Variants in CNTN5 observed in about 807,000 individuals in gnomAD.
The protein encoded by CNTN5 is contactin 5, also known as contactin-5.
Under a neutral mutation model 129.1 loss-of-function variants are expected in CNTN5, and 77 were observed. That is an observed-to-expected ratio of 0.60 (90% confidence interval 0.50 to 0.72). The LOEUF is 0.72. Among genes scored for constraint, CNTN5 ranks in the 30% least tolerant of loss-of-function variants. CNTN5 has a pLI of 0.00. For synonymous variants in CNTN5, 509 were observed against 465.6 expected (o/e 1.09, Z -1.20); for missense variants, 1,478 against 1,328.8 (o/e 1.11, Z -1.75).
At chr11:99,787,315 A>G (rs1244761194) in intron 3 of CNTN5, among the ~76,000 whole-genome samples, 1 of 151,700 alleles carries the variant, frequency 6.6e-6, no homozygotes, top group East Asian at 1.9e-4. Flanking sequence ...TTATCATTTA[A>G]GAGACAGTGA....
Position 99,466,045 on chromosome 11 carries a change from C to A in CNTN5, c.-70-90100C>A, listed in dbSNP as rs567063045. 3.5e-4 allele frequency among the ~76,000 whole-genome samples: 54 copies of A among 152,130 alleles called. 2 individuals are homozygous for A. In the South Asian group the frequency reaches 9.3e-3, roughly 26 times the overall value. On this transcript the variant is annotated intron_variant, in intron 2 of 24. Coordinates refer to ENST00000524871, the MANE Select transcript of CNTN5 (RefSeq NM_014361.4). ...TACAGGTGTCCGCCACCATGCCCTG[C>A]TCAATTTTTTGTATTTTTAGTAGAG...
chr11:100,309,865 C>T (rs1951436277), intron 21 of CNTN5, among the ~76,000 whole-genome samples: 2 of 151,798 alleles, frequency 1.3e-5, no homozygotes, highest in Non-Finnish European at 1.5e-5. Context: ...AATTGCCCTC[C>T]ACTGAGGAGA....
chr11:99,357,600 G>T (rs1938770219), intron 2 of CNTN5, among the ~76,000 whole-genome samples: 1 of 151,830 alleles, frequency 6.6e-6, no homozygotes, highest in African/African-American at 2.4e-5. Context: ...CTCAGAAATG[G>T]CTCTATAGCA....
At position 99,681,516 on chromosome 11, in the gene CNTN5, T is replaced by C. The variant is rs550703267; in HGVS notation, c.55+125247T>C. Among the ~76,000 whole-genome samples the C allele has an allele frequency of 2.6e-5, 4 of 152,228 alleles. No individual in the cohort carries two copies. In the East Asian group the frequency reaches 7.7e-4, roughly 29 times the overall value. ...GACCATTTGTGGAAGGCTTAGATGA[T>C]AGCATTTTTTAACAATGAAGTATTT... On this transcript the variant is annotated intron_variant, in intron 3 of 24. Transcript: ENST00000524871.
Position 99,553,997 on chromosome 11 carries a change from T to TAC in CNTN5, c.-70-2135_-70-2134dup, listed in dbSNP as rs1364112591. On this transcript the variant is annotated intron_variant, in intron 2 of 24. Coordinates refer to ENST00000524871, the MANE Select transcript of CNTN5 (RefSeq NM_014361.4). ...ACACACACACACACACACACACACATACACACACACACACTTCTTCTTTTA... is the reference window on the plus strand; with the variant it reads ...ACACACACACACACACACACACACATACACACACACACACACTTCTTCTTTTA... Among the ~76,000 whole-genome samples, 51 of 26,414 alleles carry TAC rather than the reference T, an allele frequency of 1.9e-3. No homozygotes were observed. In the East Asian group the frequency reaches 0.027, roughly 14 times the overall value. 17.3% of individuals were successfully genotyped at this position (26,414 alleles called of 152,430 possible).
chr11:99,552,249 T>G lies in CNTN5; in HGVS notation c.-70-3896T>G, dbSNP rs1400321718. The stretch of plus-strand genomic sequence containing the variant: ...TTTGTATTATATTTTGCCAAAAAAT[T>G]TATTTCCTAGAGACTTCAGTTTATT... On this transcript the variant is annotated intron_variant, in intron 2 of 24. Coordinates refer to ENST00000524871, the MANE Select transcript of CNTN5 (RefSeq NM_014361.4). Among the ~76,000 whole-genome samples the G allele has an allele frequency of 2.0e-5, 3 of 146,398 alleles. 1 individual carries two copies. The East Asian group carries it at 6.6e-4, about 32-fold the overall frequency.
intron 2 of CNTN5, among the ~76,000 whole-genome samples, chr11:99,429,632 T>C (rs767378663): frequency 1.4e-4 from 22 of 152,084 alleles, no homozygotes; most frequent in Non-Finnish European, 1.8e-4. Flanking sequence ...GAGTACAATT[T>C]TACTTATAAA....
intron 2 of CNTN5, among the ~76,000 whole-genome samples, chr11:99,462,360 C>CTTTTTTTTTTTTTTTTTTCTTTTTTTTTT (rs72276833): frequency 8.0e-6 from 1 of 125,284 alleles, no homozygotes; most frequent in Non-Finnish European, 1.7e-5. Flanking sequence ...CTTTTCTTTT[C>CTTTTTTTTTTTTTTTTTTCTTTTTTTTTT]TTTTTTTTTT....
chr11:99,211,533 T>G (rs980115656), intron 1 of CNTN5, among the ~76,000 whole-genome samples: 2 of 149,274 alleles, frequency 1.3e-5, no homozygotes, highest in African/African-American at 5.0e-5. Flanking sequence ...TTCTAAAAAT[T>G]TTTTCTCCTC....
intron 2 of CNTN5, among the ~76,000 whole-genome samples, chr11:99,401,202 A>G (rs562576892): frequency 6.6e-6 from 1 of 152,178 alleles, no homozygotes; most frequent in East Asian, 1.9e-4. Context: ...GTAGTAGTTT[A>G]ATAGTTTGAG....
At chr11:99,518,212 A>G (rs1054678728) in intron 2 of CNTN5, among the ~76,000 whole-genome samples, 1 of 152,066 alleles carries the variant, frequency 6.6e-6, no homozygotes, top group African/African-American at 2.4e-5. Flanking sequence ...TGAATTAGAA[A>G]AATAACTTAG....
intron 18 of CNTN5, among the ~76,000 whole-genome samples, chr11:100,286,967 C>A (rs1400001000): frequency 6.6e-6 from 1 of 152,110 alleles, no homozygotes; most frequent in East Asian, 1.9e-4. Flanking sequence ...ATGCAGAAGC[C>A]TCAGGAGCCG....
At chr11:99,250,249 C>G (rs749653600) in intron 1 of CNTN5, among the ~76,000 whole-genome samples, 11 of 152,004 alleles carry the variant, frequency 7.2e-5, no homozygotes, top group Admixed American at 2.0e-4. Context: ...GCCTGCATGA[C>G]AAGCCTATTG....
At chr11:99,050,763 A>G (rs1422128078) in intron 1 of CNTN5, among the ~76,000 whole-genome samples, 1 of 151,800 alleles carries the variant, frequency 6.6e-6, no homozygotes, top group East Asian at 1.9e-4. Flanking sequence ...TTTTTTCCTC[A>G]ACAAATAAAC....
intron 23 of CNTN5, among the ~76,000 whole-genome samples, chr11:100,342,635 CT>C (rs1441734731): frequency 6.6e-6 from 1 of 152,124 alleles, no homozygotes; most frequent in Non-Finnish European, 1.5e-5. Context: ...ATTGTTCTTA[CT>C]TTTTATATAT....
chr11:99,176,714 A>AC (rs1857792063), intron 1 of CNTN5, among the ~76,000 whole-genome samples: 1 of 152,188 alleles, frequency 6.6e-6, no homozygotes, highest in Non-Finnish European at 1.5e-5. Context: ...CTCCACCACT[A>AC]CAACCCTTGG....
At chr11:99,145,780 C>T (rs1056380398) in intron 1 of CNTN5, among the ~76,000 whole-genome samples, 1 of 152,066 alleles carries the variant, frequency 6.6e-6, no homozygotes, top group Non-Finnish European at 1.5e-5. Context: ...TCCTCCTCAA[C>T]TGATTATCTA....
chr11:99,826,641 A>T (rs530215673), intron 4 of CNTN5, among the ~76,000 whole-genome samples: 4 of 152,226 alleles, frequency 2.6e-5, no homozygotes, highest in Non-Finnish European at 4.4e-5. Context: ...CATGTGTTCA[A>T]TGGCAAAGGG....
chr11:100,167,005 C>T (rs1194563097), intron 13 of CNTN5, among the ~76,000 whole-genome samples: 3 of 151,656 alleles, frequency 2.0e-5, no homozygotes, highest in African/African-American at 2.4e-5. Context: ...AAGACTTAGA[C>T]CCCAAGTGTC....
Sources: gnomAD v4.1 joint callset for allele counts (sites outside exome capture counted in the v4.1 genomes callset) on GRCh38, gnomAD v4.1.1 for gene constraint, MANE v1.5 for transcripts, NCBI Gene and HGNC (gene_info 2026-07-23, HGNC 2026-07-21) for gene names.